Variants in BANK1 observed in about 807,000 individuals in gnomAD.
BANK1 encodes the protein B-cell scaffold protein with ankyrin repeats.
A neutral mutation model predicts 94.5 loss-of-function variants in BANK1; 95 were observed. The observed-to-expected ratio is 1.00, with a 90% CI of 0.85 to 1.19. The LOEUF is 1.19. BANK1 is among the 50% of genes most tolerant of loss of function. The pLI is 0.00. For missense variants in BANK1, 987 were observed against 932.2 expected (o/e 1.06, Z -0.77); for synonymous variants, 334 against 308.4 (o/e 1.08, Z -0.87).
chr4:101,857,454 C>G (rs1256114873), intron 3 of BANK1, among the ~76,000 whole-genome samples: 1 of 152,182 alleles, frequency 6.6e-6, no homozygotes, highest in African/African-American at 2.4e-5. Flanking sequence ...TTGCTGAGGT[C>G]TATGGACCTG....
chr4:101,927,692 T>C (rs548387636), intron 7 of BANK1, among the ~76,000 whole-genome samples: 2 of 151,794 alleles, frequency 1.3e-5, no homozygotes, highest in African/African-American at 4.8e-5. Flanking sequence ...GTTACTGATA[T>C]TTCCAAGTAT....
chr4:101,935,061 T>TA, intron 7 of BANK1, among the ~76,000 whole-genome samples: 1 of 151,616 alleles, frequency 6.6e-6, no homozygotes, highest in South Asian at 2.1e-4. Flanking sequence ...ACTTATCACT[T>TA]TCTAGAATAC....
At chr4:101,909,889 T>C (rs1722603432) in intron 6 of BANK1, among the ~76,000 whole-genome samples, 1 of 152,234 alleles carries the variant, frequency 6.6e-6, no homozygotes, top group Non-Finnish European at 1.5e-5. Flanking sequence ...ATTTACTCTA[T>C]TGAAAATGTA....
intron 7 of BANK1, among the ~76,000 whole-genome samples, chr4:101,964,463 G>T: frequency 6.6e-6 from 1 of 151,836 alleles, no homozygotes; most frequent in Non-Finnish European, 1.5e-5. Flanking sequence ...CTGTTAGAAT[G>T]TCCTACTTTG....
intron 7 of BANK1, among the ~76,000 whole-genome samples, chr4:101,962,356 C>CAAAT (rs1724600600): frequency 6.6e-6 from 1 of 152,142 alleles, no homozygotes; most frequent in Non-Finnish European, 1.5e-5. Flanking sequence ...CAGGCATTGT[C>CAAAT]AAATCTTTTG....
At chr4:102,045,692 A>G (rs1727855254) in intron 11 of BANK1, among the ~76,000 whole-genome samples, 1 of 151,816 alleles carries the variant, frequency 6.6e-6, no homozygotes, top group African/African-American at 2.4e-5. Flanking sequence ...CCCATTCACA[A>G]TTGCTTCAAA....
intron 7 of BANK1, among the ~76,000 whole-genome samples, chr4:101,966,642 C>G (rs1724771455): frequency 6.6e-6 from 1 of 152,030 alleles, no homozygotes; most frequent in African/African-American, 2.4e-5. Context: ...TTATCGTTGA[C>G]TATTGCTGCT....
intron 7 of BANK1, among the ~76,000 whole-genome samples, chr4:101,978,046 C>A (rs990278377): frequency 7.9e-5 from 12 of 151,908 alleles, no homozygotes; most frequent in Admixed American, 7.2e-4. Flanking sequence ...TCACTGCAAC[C>A]TCTGCCTCCC....
intron 1 of BANK1, among the ~76,000 whole-genome samples, chr4:101,812,976 TA>T (rs1261119823): frequency 6.6e-6 from 1 of 152,160 alleles, no homozygotes; most frequent in Non-Finnish European, 1.5e-5. Context: ...AGTAAAAAAG[TA>T]ATCTTTGTTA....
intron 7 of BANK1, among the ~76,000 whole-genome samples, chr4:101,970,482 T>C (rs775523644): frequency 3.3e-5 from 5 of 152,116 alleles, no homozygotes; most frequent in Admixed American, 6.6e-5. Context: ...TTTTATTCTG[T>C]CTTTGTCCTA....
chr4:102,066,319 C>G (rs1258617314), intron 13 of BANK1, among the ~76,000 whole-genome samples: 1 of 150,590 alleles, frequency 6.6e-6, no homozygotes, highest in African/African-American at 2.4e-5. Flanking sequence ...TGCAGTGGCA[C>G]GATCTCGGCT....
At chr4:101,840,533 G>A (rs989520022) in intron 2 of BANK1, among the ~76,000 whole-genome samples, 14 of 151,892 alleles carry the variant, frequency 9.2e-5, no homozygotes, top group African/African-American at 2.7e-4. Context: ...CACTCAGGGC[G>A]GAAAACCACT....
At chr4:101,917,914 G>C in intron 6 of BANK1, 79 bp from the exon 7 acceptor site, 1 of 987,536 alleles carries the variant, frequency 1.0e-6, no homozygotes, top group Non-Finnish European at 1.5e-6. Flanking sequence ...TTACTTTTAG[G>C]AGCAGATTGT....
intron 7 of BANK1, among the ~76,000 whole-genome samples, chr4:101,919,808 G>T (rs1250063955): frequency 6.6e-6 from 1 of 151,926 alleles, no homozygotes; most frequent in Non-Finnish European, 1.5e-5. Context: ...TGTAGCTGTT[G>T]CAAGTGCCAA....
chr4:101,964,485 G>A (rs995271460), intron 7 of BANK1, among the ~76,000 whole-genome samples: 2 of 151,848 alleles, frequency 1.3e-5, no homozygotes, highest in African/African-American at 4.8e-5. Flanking sequence ...GAAAAAAAGT[G>A]TTCATTTTAT....
chr4:101,792,441 TTGTGTGTGTG>T (rs143434251), intron 1 of BANK1, among the ~76,000 whole-genome samples: 40 of 136,806 alleles, frequency 2.9e-4, no homozygotes, highest in South Asian at 2.4e-3. Flanking sequence ...ATCCAGTGGT[TTGTGTGTGTG>T]TGTGTGTGTG....
intron 1 of BANK1, among the ~76,000 whole-genome samples, chr4:101,827,971 C>G (rs1484955987): frequency 2.0e-5 from 3 of 151,750 alleles, no homozygotes; most frequent in Non-Finnish European, 4.4e-5. Flanking sequence ...TTTTGTTAGT[C>G]TGACTCTTCT....
chr4:101,952,122 G>C (rs1203128698), intron 7 of BANK1, among the ~76,000 whole-genome samples: 14 of 152,100 alleles, frequency 9.2e-5, no homozygotes, highest in Admixed American at 9.2e-4. Flanking sequence ...TGAAGTATTA[G>C]AGTAAGTCTT....
chr4:101,945,828 G>A (rs1723907872), intron 7 of BANK1, among the ~76,000 whole-genome samples: 1 of 151,926 alleles, frequency 6.6e-6, no homozygotes, highest in South Asian at 2.1e-4. Context: ...AGAGAGGATA[G>A]AAACACCAAT....
Sources: allele counts gnomAD v4.1 joint callset (sites outside exome capture counted in the v4.1 genomes callset), GRCh38; gene constraint gnomAD v4.1.1; transcripts MANE v1.5; gene names NCBI Gene and HGNC (gene_info 2026-07-23, HGNC 2026-07-21).